MAN2A1: variants seen among roughly 807,000 people sequenced by gnomAD.
MAN2A1 encodes the protein alpha-mannosidase 2.
MAN2A1 carries 76 observed loss-of-function variants against 142.6 expected under a neutral mutation model. The ratio of observed to expected loss-of-function variants is 0.53; its 90% confidence interval spans 0.44 to 0.65. MAN2A1 has a LOEUF of 0.65. Ranked by LOEUF, MAN2A1 falls within the 30% of genes least tolerant of loss-of-function variation. MAN2A1 has a pLI of 0.00. For missense variants in MAN2A1, 1,311 were observed against 1,365.1 expected (o/e 0.96, Z 0.62); for synonymous variants, 559 against 473.2 (o/e 1.18, Z -2.35).
rs370007498 is a variant in MAN2A1 at position 109,697,158 on chromosome 5, GGTA to G, written c.135+6610_135+6612del. On this transcript the variant is annotated intron_variant, in intron 1 of 21. Coordinates refer to ENST00000261483, the MANE Select transcript of MAN2A1 (RefSeq NM_002372.4). ...GAAGATAAGATATATTGATTAATAAGGTAGTATAAAAATTGTCTGCAAAAATGT... is the reference window on the plus strand; with the variant it reads ...GAAGATAAGATATATTGATTAATAAGGTATAAAAATTGTCTGCAAAAATGT... 2.4e-3 allele frequency among the ~76,000 whole-genome samples: 368 copies of G among 152,286 alleles called. 2 individuals carry two copies. The highest frequency in any genetic ancestry group is 8.6e-3 in the African/African-American group (359 of 41,552).
intron 16 of MAN2A1, among the ~76,000 whole-genome samples, chr5:109,825,251 T>C (rs527574272): frequency 1.3e-5 from 2 of 152,354 alleles, no homozygotes; most frequent in East Asian, 1.9e-4. Flanking sequence ...ACAGAAGATA[T>C]GCTGATCTAT....
At chr5:109,773,460 C>A (rs954669170) in intron 7 of MAN2A1, among the ~76,000 whole-genome samples, 1 of 151,884 alleles carries the variant, frequency 6.6e-6, no homozygotes, top group Non-Finnish European at 1.5e-5. Context: ...TATTTTTACT[C>A]ATTTTTTTTT....
rs78351040 is a variant in MAN2A1, at chr5:109,755,577, T to A, written c.835+121T>A. On this transcript the variant is annotated intron_variant, in intron 5 of 21. Coordinates refer to ENST00000261483, the MANE Select transcript of MAN2A1 (RefSeq NM_002372.4). ...CCTGTTAGTCATTATTGTTGAATAA[T>A]TTATTCTTCATTAATTTATGATATT... 1.5e-3 allele frequency: 1,066 copies of A among 732,698 alleles called. 8 individuals are homozygous for A. In the African/African-American group the frequency reaches 0.017, roughly 12 times the overall value. The allele number at this position is 732,698 out of a possible 1,614,324, so 45.4% of individuals were successfully genotyped here.
At chr5:109,737,429 C>A (rs1408021711) in intron 4 of MAN2A1, among the ~76,000 whole-genome samples, 1 of 137,218 alleles carries the variant, frequency 7.3e-6, no homozygotes, top group Non-Finnish European at 1.5e-5. Context: ...ACTTTTTATT[C>A]TTTAGAGATT....
intron 19 of MAN2A1, among the ~76,000 whole-genome samples, chr5:109,851,947 A>T (rs1755492147): frequency 6.6e-6 from 1 of 152,142 alleles, no homozygotes; most frequent in Non-Finnish European, 1.5e-5. Context: ...TGACCAGAAG[A>T]TCTACAGTAA....
chr5:109,797,783 T>C (rs914756263), intron 12 of MAN2A1, among the ~76,000 whole-genome samples: 2 of 152,084 alleles, frequency 1.3e-5, no homozygotes, highest in Admixed American at 6.6e-5. Flanking sequence ...AAAAAGGACA[T>C]ATTAAAAAAG....
At chr5:109,804,289 A>G in intron 12 of MAN2A1, 1 of 987,324 alleles carries the variant, frequency 1.0e-6, no homozygotes, top group Non-Finnish European at 1.2e-6. Context: ...TAAAAGAAAC[A>G]TTTTAAATAG....
chr5:109,702,455 G>C (rs902383122), intron 1 of MAN2A1, among the ~76,000 whole-genome samples: 1 of 151,944 alleles, frequency 6.6e-6, no homozygotes, highest in African/African-American at 2.4e-5. Context: ...AAGTTTGAAA[G>C]TTGTTCTGAA....
At chr5:109,841,669 C>G (rs1290076175) in intron 16 of MAN2A1, among the ~76,000 whole-genome samples, 1 of 152,156 alleles carries the variant, frequency 6.6e-6, no homozygotes, top group Non-Finnish European at 1.5e-5. Context: ...AAGCTGTCCT[C>G]TGTTTTACAT....
intron 1 of MAN2A1, among the ~76,000 whole-genome samples, chr5:109,695,622 G>A (rs981878237): frequency 6.6e-6 from 1 of 152,142 alleles, no homozygotes; most frequent in Admixed American, 6.5e-5. Context: ...ATATTTAGCA[G>A]CTCTGATGAC....
At chr5:109,805,092 A>G (rs960996469) in intron 12 of MAN2A1, among the ~76,000 whole-genome samples, 4 of 152,200 alleles carry the variant, frequency 2.6e-5, no homozygotes, top group African/African-American at 9.7e-5. Context: ...CTGAATTGAC[A>G]AGGAAATAGA....
At chr5:109,691,828 A>C (rs909099964) in intron 1 of MAN2A1, among the ~76,000 whole-genome samples, 2 of 152,210 alleles carry the variant, frequency 1.3e-5, no homozygotes, top group Non-Finnish European at 2.9e-5. Context: ...ACAAGCACTG[A>C]GGGCATCTTT....
In MAN2A1 at chr5:109,819,827, A is replaced by G; in HGVS notation, c.2268A>G (p.Glu756=). ...TAAAGAATATGATAAATACTGAAGA[A>G]GGTATAACACTAGAGAACTCCTTTG... is the stretch of plus-strand genomic sequence containing the variant. ...FTIKNMINTE[E]GITLENSFVL... The change falls in exon 14 of 22, where the codon GAA becomes GAG. Residue 756 remains glutamate, a synonymous_variant. Coordinates refer to ENST00000261483, the MANE Select transcript of MAN2A1 (RefSeq NM_002372.4). The G allele has an allele frequency of 6.2e-7, 1 of 1,611,792 alleles. No individual in the cohort carries two copies. Among genetic ancestry groups the G allele is most frequent in the Non-Finnish European group, 8.5e-7 (1 of 1,178,700 alleles).
At chr5:109,749,678 G>A (rs1213739338) in intron 4 of MAN2A1, among the ~76,000 whole-genome samples, 1 of 151,854 alleles carries the variant, frequency 6.6e-6, no homozygotes, top group African/African-American at 2.4e-5. Context: ...GAATGTCTTG[G>A]TAGAAATTAA....
At chr5:109,825,042 T>C in intron 16 of MAN2A1, among the ~76,000 whole-genome samples, 1 of 152,196 alleles carries the variant, frequency 6.6e-6, no homozygotes, top group East Asian at 1.9e-4. Flanking sequence ...GTGTCCTAAA[T>C]GTGACTTCTG....
intron 2 of MAN2A1, 81 bp downstream of exon 2, chr5:109,713,855 C>A: frequency 7.4e-7 from 1 of 1,354,732 alleles, no homozygotes; most frequent in Non-Finnish European, 1.0e-6. Context: ...TCTGTTCTGA[C>A]TTGGTAAGTT....
chr5:109,764,754 T>C (rs1352583867), intron 5 of MAN2A1, among the ~76,000 whole-genome samples: 2 of 152,184 alleles, frequency 1.3e-5, no homozygotes, highest in African/African-American at 4.8e-5. Flanking sequence ...ATAAACTCTT[T>C]GACATCACTG....
intron 8 of MAN2A1, among the ~76,000 whole-genome samples, chr5:109,776,604 T>C (rs1351269037): frequency 1.3e-5 from 2 of 152,148 alleles, no homozygotes; most frequent in Non-Finnish European, 2.9e-5. Context: ...TTTTTAAAAG[T>C]CATTTAAAAA....
intron 5 of MAN2A1, among the ~76,000 whole-genome samples, chr5:109,765,186 G>A (rs536808897): frequency 6.6e-6 from 1 of 152,206 alleles, no homozygotes; most frequent in African/African-American, 2.4e-5. Context: ...GTCAAGAATG[G>A]AATCCATGGT....
Sources: gnomAD v4.1 joint callset for allele counts (sites outside exome capture counted in the v4.1 genomes callset) on GRCh38, gnomAD v4.1.1 for gene constraint, MANE v1.5 for transcripts, NCBI Gene and HGNC (gene_info 2026-07-23, HGNC 2026-07-21) for gene names.